TTF1: variants seen among roughly 807,000 people sequenced by gnomAD.
TTF1 encodes transcription termination factor 1, also known as transcription termination factor, RNA polymerase I.
TTF1 carries 64 observed loss-of-function variants against 80.2 expected under a neutral mutation model. That is an observed-to-expected ratio of 0.80 (90% CI 0.65 to 0.98). The LOEUF (loss-of-function observed/expected upper bound fraction) is 0.98. Among genes scored for constraint, TTF1 ranks in the 50% least tolerant of loss-of-function variants. The pLI, the probability that TTF1 is intolerant of heterozygous loss-of-function variation, is 0.00. For missense variants in TTF1, 1,023 were observed against 1,086.2 expected (o/e 0.94, Z 0.82); for synonymous variants, 372 against 382.7 (o/e 0.97, Z 0.33).
chr9:132,406,773 A>G lies in TTF1; in HGVS notation c.-8+17T>C, dbSNP rs1436496508. On this transcript the variant is annotated intron_variant, in intron 1 of 10. Transcript: ENST00000334270. ...GCATTTTGAAAAACAGAAACAACAA[A>G]GGCGCTTTCAACTTACCCTCCGAAA... is the stretch of plus-strand genomic sequence containing the variant. The G allele has an allele frequency of 6.6e-6, 1 of 152,124 alleles. No individual in the cohort carries two copies. The highest frequency in any genetic ancestry group is 2.4e-5 in the African/African-American group (1 of 41,422). The allele number at this position is 152,124 out of a possible 1,614,324, so 9.4% of individuals were successfully genotyped here.
chr9:132,405,123 GT>G lies in TTF1; in HGVS notation c.-8+1666del, dbSNP rs1849842144. On this transcript the variant is annotated intron_variant, in intron 1 of 10. Coordinates refer to ENST00000334270, the MANE Select transcript of TTF1 (RefSeq NM_007344.4). ...AGGATGGTCTCGATCTCCTGACCTT[GT>G]GATCCAACCGCCTCGGCCTCCCAAA... Among the ~76,000 whole-genome samples the G allele has an allele frequency of 2.0e-5, 3 of 152,318 alleles. No individual in the cohort carries two copies. In the South Asian group the frequency reaches 6.2e-4, roughly 32 times the overall value.
Position 132,386,404 on chromosome 9 carries a change from G to A in TTF1, c.2378+152C>T, listed in dbSNP as rs147983616. 296 of 703,606 alleles carry A rather than the reference G, an allele frequency of 4.2e-4. 1 individual carries two copies. Among genetic ancestry groups the A allele is most frequent in the African/African-American group, 4.1e-3 (225 of 55,136 alleles). The allele number at this position is 703,606 out of a possible 1,614,324, so 43.6% of individuals were successfully genotyped here. On this transcript the variant is annotated intron_variant, in intron 9 of 10. Transcript: ENST00000334270. The stretch of plus-strand genomic sequence containing the variant: ...CAGTTTCCTCTGCACTAACAAATTG[G>A]TTTCCTAGCAAATACACTGAATTTT...
At chr9:132,387,352 G>A (rs1849487242) in intron 8 of TTF1, among the ~76,000 whole-genome samples, 1 of 152,152 alleles carries the variant, frequency 6.6e-6, no homozygotes, top group African/African-American at 2.4e-5. Flanking sequence ...GCTCCAGATT[G>A]CATGACTAAT....
In TTF1 at chr9:132,402,600, A is replaced by G. The variant is rs1481740888; in HGVS notation, c.222T>C (p.Asp74=). 5.6e-6 allele frequency: 9 copies of G among 1,613,616 alleles called. No individual in the cohort carries two copies. Among genetic ancestry groups the G allele is most frequent in the Admixed American group, 1.7e-5 (1 of 59,884 alleles). Residue 74 remains aspartate, a synonymous_variant, in exon 2 of 11, where the codon GAT becomes GAC. Coordinates refer to ENST00000334270, the MANE Select transcript of TTF1 (RefSeq NM_007344.4). ...GTGTGGAAGTGGCATTTGCAGTCTC[A>G]TCACAGATTCTGGATTTTTTCAAAG... ...SSPLKKSRIC[D]ETANATSTLK...
chr9:132,404,413 AG>A (rs1338854445), intron 1 of TTF1, among the ~76,000 whole-genome samples: 1 of 152,140 alleles, frequency 6.6e-6, no homozygotes, highest in African/African-American at 2.4e-5. Context: ...GCTGCAACAA[AG>A]GAAGTGTCCC....
chr9:132,378,744 G>A (rs1849312440), intron 10 of TTF1, among the ~76,000 whole-genome samples: 2 of 151,788 alleles, frequency 1.3e-5, no homozygotes, highest in East Asian at 3.9e-4. Context: ...ATGTGGTGTG[G>A]TGCACGGGCA....
At chr9:132,379,895 G>C (rs1013604351) in intron 9 of TTF1, among the ~76,000 whole-genome samples, 3 of 152,102 alleles carry the variant, frequency 2.0e-5, no homozygotes, top group African/African-American at 7.2e-5. Flanking sequence ...CCTAATAAAA[G>C]GGGAACATTA....
rs1326810905 is a variant in TTF1, at chr9:132,376,156, T to G, written c.2477A>C (p.Tyr826Ser). Reference protein sequence around the residue: ...QKKTFPEIIDYLYETTLPLLK... With the variant: ...QKKTFPEIIDSLYETTLPLLK... ...CAAAGGTAGAGTCGTCTCATAAAGGTAGTCGATGATCTCTACAGAAAAGAA... is the reference window on the plus strand; with the variant it reads ...CAAAGGTAGAGTCGTCTCATAAAGGGAGTCGATGATCTCTACAGAAAAGAA... The change falls in exon 11 of 11, where the codon TAC (tyrosine) becomes TCC (serine). Residue 826 changes from tyrosine (Y) to serine (S), a missense_variant. Transcript: ENST00000334270. 1 of 1,612,596 alleles carries G rather than the reference T, an allele frequency of 6.2e-7. No homozygotes were observed. The highest frequency in any genetic ancestry group is 1.3e-5 in the African/African-American group (1 of 74,732).
At chr9:132,391,448 T>C (rs967752429) in intron 6 of TTF1, among the ~76,000 whole-genome samples, 1 of 151,714 alleles carries the variant, frequency 6.6e-6, no homozygotes, top group Non-Finnish European at 1.5e-5. Flanking sequence ...ACAATTTGGA[T>C]GAATATTTAA....
intron 5 of TTF1, among the ~76,000 whole-genome samples, chr9:132,394,683 A>C (rs955115428): frequency 1.3e-5 from 2 of 151,910 alleles, no homozygotes; most frequent in African/African-American, 4.8e-5. Context: ...ACTTGAGGTC[A>C]GGAATTTGAG....
chr9:132,404,486 C>G (rs1849826646), intron 1 of TTF1, among the ~76,000 whole-genome samples: 1 of 152,130 alleles, frequency 6.6e-6, no homozygotes, highest in African/African-American at 2.4e-5. Context: ...TCCCAACCCT[C>G]TCCTGCCTTC....
intron 10 of TTF1, among the ~76,000 whole-genome samples, chr9:132,376,542 T>C (rs1260556573): frequency 6.6e-6 from 1 of 152,038 alleles, no homozygotes; most frequent in African/African-American, 2.4e-5. Flanking sequence ...ACCAGTGCCG[T>C]GCAGACTGCA....
chr9:132,398,008 T>A, intron 4 of TTF1, 133 bp downstream of exon 4: 1 of 596,550 alleles, frequency 1.7e-6, no homozygotes, highest in Non-Finnish European at 2.7e-6. Context: ...AAGAATATCA[T>A]CAGCCATCAC....
chr9:132,380,750 C>T (rs550926915), intron 9 of TTF1, among the ~76,000 whole-genome samples: 1 of 152,118 alleles, frequency 6.6e-6, no homozygotes, highest in African/African-American at 2.4e-5. Flanking sequence ...TAATTTTTAC[C>T]ATTTTGTTAT....
At chr9:132,385,058 A>G (rs527340747) in intron 9 of TTF1, among the ~76,000 whole-genome samples, 158 of 152,302 alleles carry the variant, frequency 1.0e-3, no homozygotes, top group African/African-American at 3.7e-3. Context: ...GTGGGGCATG[A>G]TATTCAGTTC....
At chr9:132,378,080 TGA>T (rs1229905252) in intron 10 of TTF1, among the ~76,000 whole-genome samples, 5 of 123,448 alleles carry the variant, frequency 4.1e-5, no homozygotes, top group African/African-American at 6.4e-5. Flanking sequence ...GTGGTGTGTG[TGA>T]GTGCATGTGG....
chr9:132,390,520 G>C, intron 7 of TTF1, 77 bp downstream of exon 7: 1 of 1,428,136 alleles, frequency 7.0e-7, no homozygotes, highest in Non-Finnish European at 9.8e-7. Context: ...CCCCACGGCA[G>C]TTACACAGAT....
intron 7 of TTF1, among the ~76,000 whole-genome samples, chr9:132,389,410 T>G (rs1408885237): frequency 6.6e-6 from 1 of 151,940 alleles, no homozygotes; most frequent in South Asian, 2.1e-4. Context: ...CTTGAACTCC[T>G]GACCTTGTAA....
Position 132,387,126 on chromosome 9 carries a change from T to A in TTF1, c.2313-505A>T, listed in dbSNP as rs1849482582. Reference sequence around the variant, plus strand: ...GCACGTGGCACCATGCCCGGCTAATTTTTTAGATTTTTTGTAGGGATGGAG... The same window carrying A: ...GCACGTGGCACCATGCCCGGCTAATATTTTAGATTTTTTGTAGGGATGGAG... On this transcript the variant is annotated intron_variant, in intron 8 of 10. Transcript: ENST00000334270. 1.3e-5 allele frequency among the ~76,000 whole-genome samples: 2 copies of A among 152,020 alleles called. 1 individual carries two copies. The highest frequency in any genetic ancestry group is 4.2e-4 in the South Asian group (2 of 4,818).
Sources: gnomAD v4.1 joint callset for allele counts (sites outside exome capture counted in the v4.1 genomes callset) on GRCh38, gnomAD v4.1.1 for gene constraint, MANE v1.5 for transcripts, NCBI Gene and HGNC (gene_info 2026-07-23, HGNC 2026-07-21) for gene names.